Variants in SLC9A9 observed in about 807,000 individuals in gnomAD.
The protein encoded by SLC9A9 is sodium/hydrogen exchanger 9.
A neutral mutation model predicts 77.8 loss-of-function variants in SLC9A9; 62 were observed. The ratio of observed to expected loss-of-function variants is 0.80; its 90% confidence interval spans 0.65 to 0.98. The LOEUF is 0.98. Ranked by LOEUF, SLC9A9 falls within the 50% of genes least tolerant of loss-of-function variation. The pLI is 0.00. For synonymous variants in SLC9A9, 320 were observed against 283.5 expected, an observed-to-expected ratio of 1.13 and a Z score of -1.29; for missense variants, 775 against 774.9, an observed-to-expected ratio of 1.00 and a Z score of 0.00.
intron 14 of SLC9A9, among the ~76,000 whole-genome samples, chr3:143,297,003 C>T (rs2030300250): frequency 6.6e-6 from 1 of 152,172 alleles, no homozygotes; most frequent in Non-Finnish European, 1.5e-5. Context: ...GTTTCCTTTA[C>T]ATGCAGAAGC....
At chr3:143,483,485 G>C (rs1319955227) in intron 11 of SLC9A9, among the ~76,000 whole-genome samples, 2 of 152,160 alleles carry the variant, frequency 1.3e-5, no homozygotes, top group Non-Finnish European at 2.9e-5. Context: ...GTCACCTCCA[G>C]GTGCATCCAG....
At chr3:143,587,594 G>GGCCAGGGCCAGC (rs1335097969) in intron 6 of SLC9A9, among the ~76,000 whole-genome samples, 1 of 152,244 alleles carries the variant, frequency 6.6e-6, no homozygotes, top group Non-Finnish European at 1.5e-5. Flanking sequence ...GCCGGGCCAG[G>GGCCAGGGCCAGC]GCCATGTCTT....
At chr3:143,526,299 A>C (rs1045488727) in intron 9 of SLC9A9, among the ~76,000 whole-genome samples, 2 of 152,210 alleles carry the variant, frequency 1.3e-5, no homozygotes, top group Non-Finnish European at 2.9e-5. Flanking sequence ...GCGTCTCTGC[A>C]CATGGAAGTT....
chr3:143,389,208 G>A (rs950657254), intron 12 of SLC9A9, among the ~76,000 whole-genome samples: 1 of 152,068 alleles, frequency 6.6e-6, no homozygotes, highest in African/African-American at 2.4e-5. Flanking sequence ...GATCACTGGA[G>A]GTATACATTG....
intron 10 of SLC9A9, among the ~76,000 whole-genome samples, chr3:143,494,364 T>C (rs999188636): frequency 1.3e-5 from 2 of 152,256 alleles, no homozygotes; most frequent in Non-Finnish European, 2.9e-5. Context: ...TTTCCCTTTT[T>C]GTTGTCTTTG....
At chr3:143,660,240 A>G (rs1322066860) in intron 5 of SLC9A9, among the ~76,000 whole-genome samples, 2 of 152,332 alleles carry the variant, frequency 1.3e-5, no homozygotes, top group Admixed American at 6.5e-5. Context: ...TTATTAGGCT[A>G]TAGTCAGAGA....
intron 1 of SLC9A9, among the ~76,000 whole-genome samples, chr3:143,840,229 T>TGTAAGATAGTA (rs2009673119): frequency 6.6e-6 from 1 of 151,714 alleles, no homozygotes; most frequent in East Asian, 1.9e-4. Flanking sequence ...AGCATTGTCA[T>TGTAAGATAGTA]ATAAGATAGT....
At chr3:143,658,804 A>G in intron 5 of SLC9A9, among the ~76,000 whole-genome samples, 1 of 152,224 alleles carries the variant, frequency 6.6e-6, no homozygotes, top group East Asian at 1.9e-4. Flanking sequence ...TGGATTAAGA[A>G]AAGTAGGATA....
At chr3:143,319,027 T>C (rs2108444339) in intron 14 of SLC9A9, among the ~76,000 whole-genome samples, 1 of 152,346 alleles carries the variant, frequency 6.6e-6, no homozygotes, top group African/African-American at 2.4e-5. Context: ...AATAAATAAC[T>C]GTCAAACTAA....
At chr3:143,711,012 A>C (rs563293504) in intron 4 of SLC9A9, among the ~76,000 whole-genome samples, 2 of 152,360 alleles carry the variant, frequency 1.3e-5, no homozygotes, top group Non-Finnish European at 2.9e-5. Context: ...TTAGGATGTT[A>C]CACTATTTAC....
At chr3:143,429,321 T>G (rs763925681) in intron 12 of SLC9A9, among the ~76,000 whole-genome samples, 50 of 152,208 alleles carry the variant, frequency 3.3e-4, no homozygotes, top group Non-Finnish European at 6.2e-4. Flanking sequence ...AAATGGTAAC[T>G]CAGGCAGCTA....
chr3:143,807,358 T>A (rs2008748241), intron 2 of SLC9A9, among the ~76,000 whole-genome samples: 1 of 152,258 alleles, frequency 6.6e-6, no homozygotes, highest in Non-Finnish European at 1.5e-5. Context: ...CTCAGATTTC[T>A]GAATGAGCCA....
chr3:143,374,394 C>T, intron 13 of SLC9A9, among the ~76,000 whole-genome samples: 1 of 138,816 alleles, frequency 7.2e-6, no homozygotes, highest in Non-Finnish European at 1.5e-5. Context: ...CACTGTACTC[C>T]AGCCTGGGAG....
intron 14 of SLC9A9, among the ~76,000 whole-genome samples, chr3:143,289,318 G>GCTTTTTGTTTCATTTAGTTTC (rs1320578286): frequency 6.6e-6 from 1 of 152,124 alleles, no homozygotes; most frequent in East Asian, 1.9e-4. Flanking sequence ...GTTTGACTTG[G>GCTTTTTGTTTCATTTAGTTTC]CTTTTTGTTT....
intron 14 of SLC9A9, among the ~76,000 whole-genome samples, chr3:143,270,682 GA>G (rs11371772): frequency 2.0e-5 from 3 of 149,540 alleles, no homozygotes; most frequent in East Asian, 2.0e-4. Context: ...CATGTTAAAA[GA>G]AAAAAAAAAG....
chr3:143,514,720 T>C (rs142675664), intron 9 of SLC9A9, among the ~76,000 whole-genome samples: 48 of 152,358 alleles, frequency 3.2e-4, no homozygotes, highest in South Asian at 1.2e-3. Flanking sequence ...ATCTTGCCTC[T>C]TAGCCTTCAC....
chr3:143,319,871 G>A (rs1258152636), intron 14 of SLC9A9, among the ~76,000 whole-genome samples: 2 of 152,154 alleles, frequency 1.3e-5, no homozygotes, highest in East Asian at 1.9e-4. Context: ...AGGGGTAAAC[G>A]CCTTCCCATT....
chr3:143,645,087 C>G (rs746727764), intron 6 of SLC9A9, among the ~76,000 whole-genome samples: 5 of 152,134 alleles, frequency 3.3e-5, no homozygotes, highest in Admixed American at 6.5e-5. Context: ...GCAGAATGAA[C>G]ATGAAATATC....
intron 14 of SLC9A9, among the ~76,000 whole-genome samples, chr3:143,302,800 T>C (rs2030585785): frequency 6.6e-6 from 1 of 152,178 alleles, no homozygotes; most frequent in African/African-American, 2.4e-5. Context: ...TAAAGCCAGA[T>C]GGGTACAAGT....
Sources: gnomAD v4.1 joint callset for allele counts (sites outside exome capture counted in the v4.1 genomes callset) on GRCh38, gnomAD v4.1.1 for gene constraint, MANE v1.5 for transcripts, NCBI Gene and HGNC (gene_info 2026-07-23, HGNC 2026-07-21) for gene names.